Variants in CSDE1 observed in about 807,000 individuals in gnomAD.
CSDE1 encodes the protein cold shock domain-containing protein E1.
CSDE1 carries 17 observed loss-of-function variants against 89.3 expected under a neutral mutation model. The ratio of observed to expected loss-of-function variants is 0.19; its 90% CI spans 0.13 to 0.29. The LOEUF (loss-of-function observed/expected upper bound fraction) is 0.29. Ranked by LOEUF, CSDE1 falls within the 10% of genes least tolerant of loss-of-function variation. CSDE1 has a pLI of 1.00. For missense variants in CSDE1, 672 were observed against 984.2 expected (o/e 0.68, Z 4.24); for synonymous variants, 322 against 332.8 (o/e 0.97, Z 0.35).
chr1:114,732,754 T>C lies in CSDE1; in HGVS notation c.900A>G (p.Gly300=). The C allele has an allele frequency of 6.2e-7, 1 of 1,614,174 alleles. No individual in the cohort carries two copies. The highest frequency in any genetic ancestry group is 1.1e-5 in the South Asian group (1 of 91,084). Residue 300 remains glycine (G), a synonymous_variant, in exon 10 of 20, where the codon GGA becomes GGG. Transcript: ENST00000358528. ...DFVIPKELPF[G]DKDTKSKVTL... ...TCACCTTGGATTTCGTATCTTTGTC[T>C]CCAAAGGGAAGTTCTTTAGGGATCA... is the stretch of plus-strand genomic sequence containing the variant.
In CSDE1 at chr1:114,717,276, A is replaced by G. The variant is rs916382276; in HGVS notation, c.*893T>C. 1.6e-4 allele frequency: 24 copies of G among 152,562 alleles called. No homozygotes were observed. The highest frequency in any genetic ancestry group is 5.9e-5 in the Non-Finnish European group (4 of 68,044). 9.5% of individuals were successfully genotyped at this position (152,562 alleles called of 1,614,324 possible). A position where few individuals can be genotyped will look rare whatever the true frequency, so the allele number is the denominator to read the frequency against. Reference sequence around the variant, plus strand: ...ACAGTAACCAGGCGGCTACTTATAAAAAAAAACAAGATTCATTTCAGGCAC... The same window carrying G: ...ACAGTAACCAGGCGGCTACTTATAAGAAAAAACAAGATTCATTTCAGGCAC... On this transcript the variant is annotated 3_prime_UTR_variant, in exon 20 of 20. Transcript: ENST00000358528.
Position 114,739,836 on chromosome 1 carries a change from C to T in CSDE1, c.55G>A (p.Gly19Ser), listed in dbSNP as rs748515461. The change falls in exon 3 of 20, where the codon GGT becomes AGT. Residue 19 changes from glycine to serine, a missense_variant. Physicochemically the swap from Gly to Ser is moderately conservative, Grantham distance 56. This residue lies in a region of CSDE1 where 26 missense variants were observed against 24.3 expected (regional missense o/e 1.07). Coordinates refer to ENST00000358528, the MANE Select transcript of CSDE1 (RefSeq NM_001007553.3). ...HNNGHNGYPNGTSAALRETGV... is the reference protein window; with the variant it reads ...HNNGHNGYPNSTSAALRETGV... ...GTTTCACGCAGTGCTGCTGAAGTAC[C>T]ATTAGGGTACCCATTATGTCCATTG... The T allele has an allele frequency of 6.2e-6, 10 of 1,613,924 alleles. No homozygotes were observed. Among genetic ancestry groups the T allele is most frequent in the African/African-American group, 1.3e-5 (1 of 74,890 alleles).
At chr1:114,729,577 A>C (rs1659995638) in intron 12 of CSDE1, among the ~76,000 whole-genome samples, 1 of 151,810 alleles carries the variant, frequency 6.6e-6, no homozygotes, top group Non-Finnish European at 1.5e-5. Flanking sequence ...AGAAACCCTG[A>C]ATTTTTCTCA....
chr1:114,736,977 C>A, intron 5 of CSDE1, 122 bp from the exon 6 acceptor site: 1 of 669,586 alleles, frequency 1.5e-6, no homozygotes. Context: ...AAATTAAATG[C>A]TTTATGACAA....
chr1:114,728,920 A>C (rs1659947708), intron 12 of CSDE1, among the ~76,000 whole-genome samples: 1 of 152,166 alleles, frequency 6.6e-6, no homozygotes, highest in Non-Finnish European at 1.5e-5. Flanking sequence ...GTCTATAGTC[A>C]CTATCTGTGT....
chr1:114,736,836 T>C lies in CSDE1; in HGVS notation c.422A>G (p.Tyr141Cys). ...GTTCCCTTCGACATCTTCAGGGGTG[T>C]AAGTCAGATAAAACACTTCCTGTGA... Reference protein sequence around the residue: ...ERNGEVFYLTYTPEDVEGNVQ... With the variant: ...ERNGEVFYLTCTPEDVEGNVQ... The change falls in exon 6 of 20, where the codon TAC (tyrosine) becomes TGC (cysteine). Residue 141 changes from tyrosine to cysteine, a missense_variant. By Grantham distance (194) the Tyr-to-Cys change is radical (BLOSUM62 -2). Around this residue, in one of 8 missense-constraint regions of CSDE1, gnomAD observed 124 missense variants for 138.7 expected, o/e 0.89. Transcript: ENST00000358528. 1 of 1,611,826 alleles carries C rather than the reference T, an allele frequency of 6.2e-7. No individual in the cohort carries two copies. Among genetic ancestry groups the C allele is most frequent in the Non-Finnish European group, 8.5e-7 (1 of 1,178,572 alleles).
At position 114,736,850 on chromosome 1, in the gene CSDE1, C is replaced by T; in HGVS notation, c.408G>A (p.Val136=). Residue 136 remains valine, a synonymous_variant, in exon 6 of 20, where the codon GTG becomes GTA. Coordinates refer to ENST00000358528, the MANE Select transcript of CSDE1 (RefSeq NM_001007553.3). The stretch of plus-strand genomic sequence containing the variant: ...CTTCAGGGGTGTAAGTCAGATAAAA[C>T]ACTTCCTGTGAATTAATAAATCATT... ...GSVCYERNGE[V]FYLTYTPEDV... The T allele has an allele frequency of 1.9e-6, 3 of 1,607,142 alleles. No homozygotes were observed. The highest frequency in any genetic ancestry group is 2.6e-6 in the Non-Finnish European group (3 of 1,174,798).
At chr1:114,744,594 A>AAAAC (rs779073403) in intron 2 of CSDE1, among the ~76,000 whole-genome samples, 1 of 152,002 alleles carries the variant, frequency 6.6e-6, no homozygotes. Flanking sequence ...CAAAACAACA[A>AAAAC]AAACAAACAA....
intron 2 of CSDE1, among the ~76,000 whole-genome samples, chr1:114,749,099 T>C (rs1336691472): frequency 6.6e-6 from 1 of 152,202 alleles, no homozygotes; most frequent in Non-Finnish European, 1.5e-5. Context: ...TCTATACCTC[T>C]ACCAATGTCT....
chr1:114,744,207 G>GA (rs994315447), intron 2 of CSDE1, among the ~76,000 whole-genome samples: 2 of 151,816 alleles, frequency 1.3e-5, no homozygotes, highest in African/African-American at 2.4e-5. Flanking sequence ...AAATAGGGGG[G>GA]AAAAAAATCC....
At chr1:114,749,063 G>A (rs940072658) in intron 2 of CSDE1, among the ~76,000 whole-genome samples, 1 of 152,082 alleles carries the variant, frequency 6.6e-6, no homozygotes, top group African/African-American at 2.4e-5. Context: ...CTTTCACGTA[G>A]CCCTGAATCT....
intron 2 of CSDE1, chr1:114,741,764 G>C: frequency 1.1e-6 from 1 of 940,642 alleles, no homozygotes; most frequent in Non-Finnish European, 1.4e-6. Context: ...CTTGGGTTTA[G>C]CGAAATATAA....
chr1:114,741,887 C>T (rs992257409), intron 2 of CSDE1, among the ~76,000 whole-genome samples: 2 of 151,996 alleles, frequency 1.3e-5, no homozygotes, highest in African/African-American at 4.8e-5. Flanking sequence ...CTGAAAATGC[C>T]ACAAAGACTC....
At position 114,737,458 on chromosome 1, in the gene CSDE1, T is replaced by C. The variant is rs1438846004; in HGVS notation, c.402+13A>G. On this transcript the variant is annotated intron_variant, in intron 5 of 19. Coordinates refer to ENST00000358528, the MANE Select transcript of CSDE1 (RefSeq NM_001007553.3). ...GGATCAGGCAAAGGTTTAAGAAAAA[T>C]ACACAAGTTTACCCCATTACGTTCG... is the stretch of plus-strand genomic sequence containing the variant. 1.9e-6 allele frequency: 3 copies of C among 1,601,370 alleles called. No individual in the cohort carries two copies. Among genetic ancestry groups the C allele is most frequent in the East Asian group, 2.2e-5 (1 of 44,806 alleles).
chr1:114,725,872 G>A (rs1045738945), intron 14 of CSDE1, among the ~76,000 whole-genome samples: 1 of 152,160 alleles, frequency 6.6e-6, no homozygotes, highest in Non-Finnish European at 1.5e-5. Context: ...CTGGGCTCAA[G>A]GGATCCACCT....
chr1:114,739,994 A>G, intron 2 of CSDE1, 104 bp from the exon 3 acceptor site: 1 of 911,636 alleles, frequency 1.1e-6, no homozygotes, highest in Non-Finnish European at 1.7e-6. Context: ...AAACGCAAAA[A>G]AAAGTAAAAT....
intron 1 of CSDE1, among the ~76,000 whole-genome samples, chr1:114,755,666 C>T (rs1365049952): frequency 6.6e-6 from 1 of 152,214 alleles, no homozygotes; most frequent in Non-Finnish European, 1.5e-5. Flanking sequence ...AACAGTCTAG[C>T]TATTAAAGCT....
chr1:114,738,201 C>A (rs944761122), intron 3 of CSDE1, 129 bp from the exon 4 acceptor site: 2 of 695,572 alleles, frequency 2.9e-6, no homozygotes, highest in African/African-American at 1.8e-5. Flanking sequence ...GTCCCTGGAC[C>A]AGCAGCATTA....
chr1:114,741,393 G>A (rs1167661134), intron 2 of CSDE1: 4 of 781,418 alleles, frequency 5.1e-6, no homozygotes, highest in Non-Finnish European at 7.6e-6. Flanking sequence ...TCTTTCAAGA[G>A]TGAAGGTGAA....
Sources: gnomAD v4.1 joint callset for allele counts (sites outside exome capture counted in the v4.1 genomes callset) on GRCh38, gnomAD v4.1.1 for gene constraint, gnomAD v4.1.1 regional missense constraint, MANE v1.5 for transcripts, NCBI Gene and HGNC (gene_info 2026-07-23, HGNC 2026-07-21) for gene names.